The following ZUP1 variants were observed in gnomAD, a reference collection of about 807,000 sequenced individuals.
ZUP1 encodes zinc finger-containing ubiquitin peptidase 1.
A neutral mutation model predicts 68.1 loss-of-function variants in ZUP1; 55 were observed. The observed-to-expected ratio is 0.81, with a 90% confidence interval of 0.65 to 1.01. ZUP1 has a LOEUF of 1.01. ZUP1 is among the 50% of genes least tolerant of loss of function. The pLI, the probability that ZUP1 is intolerant of heterozygous loss-of-function variation, is 0.00. For synonymous variants in ZUP1, 223 were observed against 221.5 expected (o/e 1.01, Z -0.06); for missense variants, 684 against 674.9 (o/e 1.01, Z -0.15).
In ZUP1 at chr6:116,660,798, G is replaced by C; in HGVS notation, c.608C>G (p.Thr203Arg). Residue 203 changes from threonine to arginine, a missense_variant, in exon 3 of 10, where the codon ACA (threonine) becomes AGA (arginine). Thr to Arg is a moderately conservative substitution (Grantham distance 71). Coordinates refer to ENST00000368576, the MANE Select transcript of ZUP1 (RefSeq NM_145062.3). The stretch of plus-strand genomic sequence containing the variant: ...ATGTTCCTGAAGAATATGGTAATTT[G>C]TACATATGAGCCCACACATAGGACA... ...YDCPMCGLIC[T>R]NYHILQEHVD... 6.2e-7 allele frequency: 1 copy of C among 1,610,056 alleles called. No homozygotes were observed. Among genetic ancestry groups the C allele is most frequent in the Non-Finnish European group, 8.5e-7 (1 of 1,177,724 alleles).
At chr6:116,648,063 T>C (rs988386351) in intron 7 of ZUP1, among the ~76,000 whole-genome samples, 5 of 152,214 alleles carry the variant, frequency 3.3e-5, no homozygotes, top group African/African-American at 7.2e-5. Context: ...CATTGGTATA[T>C]ATAAAATAGA....
At chr6:116,650,572 C>T (rs1321670504) in intron 7 of ZUP1, among the ~76,000 whole-genome samples, 3 of 152,044 alleles carry the variant, frequency 2.0e-5, no homozygotes, top group African/African-American at 7.2e-5. Context: ...ACTTTATTAT[C>T]CCATTTAATT....
Position 116,666,969 on chromosome 6 carries a change from T to C in ZUP1, c.224A>G (p.Asn75Ser). 3 of 1,613,788 alleles carry C rather than the reference T, an allele frequency of 1.9e-6. No individual in the cohort carries two copies. The highest frequency in any genetic ancestry group is 2.2e-5 in the East Asian group (1 of 44,822). Reference protein sequence around the residue: ...INTVQYGTSDNKKDNTLQCGM... With the variant: ...INTVQYGTSDSKKDNTLQCGM... ...ACACTGTAGGGTGTTGTCTTTCTTG[T>C]TATCTGAAGTTCCATATTGTACTGT... is the stretch of plus-strand genomic sequence containing the variant. The change falls in exon 2 of 10, where the codon AAC becomes AGC. Residue 75 changes from asparagine to serine, a missense_variant. Transcript: ENST00000368576.
At chr6:116,653,986 T>C (rs1229720084) in intron 5 of ZUP1, among the ~76,000 whole-genome samples, 1 of 152,050 alleles carries the variant, frequency 6.6e-6, no homozygotes, top group Admixed American at 6.5e-5. Context: ...GTTAAAATTA[T>C]AACAAGATTG....
rs1445376386 is a variant in ZUP1, at chr6:116,645,676, C to G, written c.1689+38G>C. 5.6e-6 allele frequency: 8 copies of G among 1,427,520 alleles called. No individual in the cohort carries two copies. In the South Asian group the frequency reaches 9.3e-5, roughly 17 times the overall value. 88.4% of individuals were successfully genotyped at this position (1,427,520 alleles called of 1,614,324 possible). A position where few individuals can be genotyped will look rare whatever the true frequency, so the allele number is the denominator to read the frequency against. ...AAAAGTTTTAAACTTTTAAGTTCAT[C>G]TCATTCAAACTTCACATATAAATAT... On this transcript the variant is annotated intron_variant, in intron 9 of 9. Coordinates refer to ENST00000368576, the MANE Select transcript of ZUP1 (RefSeq NM_145062.3).
intron 3 of ZUP1, among the ~76,000 whole-genome samples, chr6:116,659,544 C>T (rs1162868811): frequency 4.0e-5 from 6 of 151,400 alleles, no homozygotes; most frequent in Admixed American, 6.6e-5. Context: ...AATTTTAAAA[C>T]GTTAAGTAAC....
At chr6:116,668,164 A>C (rs897804012) in intron 1 of ZUP1, among the ~76,000 whole-genome samples, 2 of 152,088 alleles carry the variant, frequency 1.3e-5, no homozygotes, top group African/African-American at 2.4e-5. Flanking sequence ...ACCTCCCTAC[A>C]TTGTCCTTAT....
Position 116,645,862 on chromosome 6 carries a change from C to G in ZUP1, c.1541G>C (p.Gly514Ala). 1.2e-6 allele frequency: 2 copies of G among 1,613,856 alleles called. No individual in the cohort carries two copies. Among genetic ancestry groups the G allele is most frequent in the Non-Finnish European group, 8.5e-7 (1 of 1,179,902 alleles). Reference sequence around the variant, plus strand: ...TTTCTGCATTTCTCGAGAAGGACATCCAGGATCAAGTATTAGTAAGCATAA... The same window carrying G: ...TTTCTGCATTTCTCGAGAAGGACATGCAGGATCAAGTATTAGTAAGCATAA... ...RTLCLLILDPGCPSREMQKLL... is the reference protein window; with the variant it reads ...RTLCLLILDPACPSREMQKLL... The change falls in exon 9 of 10, where the codon GGA (glycine) becomes GCA (alanine). Residue 514 changes from glycine (G) to alanine (A), a missense_variant. Gly to Ala is a moderately conservative substitution (Grantham distance 60). Coordinates refer to ENST00000368576, the MANE Select transcript of ZUP1 (RefSeq NM_145062.3).
At chr6:116,647,731 T>C (rs1046434756) in intron 7 of ZUP1, 121 bp from the exon 8 acceptor site, 10 of 733,970 alleles carry the variant, frequency 1.4e-5, no homozygotes, top group Admixed American at 4.0e-5. Flanking sequence ...TACTTTCCTA[T>C]AAAAGAAGAA....
chr6:116,651,377 C>T (rs1776485696), intron 7 of ZUP1, among the ~76,000 whole-genome samples, 195 bp downstream of exon 7: 1 of 152,166 alleles, frequency 6.6e-6, no homozygotes, highest in African/African-American at 2.4e-5. Flanking sequence ...ATGGAAGTGA[C>T]AGTTGCCTCT....
At chr6:116,648,990 A>C (rs1776398836) in intron 7 of ZUP1, among the ~76,000 whole-genome samples, 1 of 151,866 alleles carries the variant, frequency 6.6e-6, no homozygotes, top group Non-Finnish European at 1.5e-5. Context: ...AAAAAAAAGA[A>C]AAAGAAAAAG....
rs1485353576 is a variant in ZUP1, at chr6:116,645,735, A to T, written c.1668T>A (p.Ala556=). ...KQYQILAVEG[A]LSLEEKLARR... Reference sequence around the variant, plus strand: ...TTACAAGTTTCTCCTCTAGAGAAAGAGCACCCTCTACTGCCAATATCTGGT... The same window carrying T: ...TTACAAGTTTCTCCTCTAGAGAAAGTGCACCCTCTACTGCCAATATCTGGT... Residue 556 remains alanine (A), a synonymous_variant, in exon 9 of 10, where the codon GCT becomes GCA. Transcript: ENST00000368576. The T allele has an allele frequency of 1.9e-6, 3 of 1,612,214 alleles. No individual in the cohort carries two copies. Among genetic ancestry groups the T allele is most frequent in the Admixed American group, 1.7e-5 (1 of 59,666 alleles).
rs1418789137 is a variant in ZUP1, at chr6:116,635,872, C to A, written c.1697G>T (p.Arg566Ile). 3.1e-6 allele frequency: 5 copies of A among 1,587,738 alleles called. No homozygotes were observed. The Admixed American group carries it at 5.4e-5, about 17-fold the overall frequency. ...ALSLEEKLAR[R>I]QASQVFTAEK... is the part of the protein sequence containing the mutation. The stretch of plus-strand genomic sequence containing the variant: ...GGCTGTAAAGACTTGAGAAGCTTGT[C>A]TCCTGGCCTTGAAAAGAAATTTTAA... Residue 566 changes from arginine (R) to isoleucine (I), a missense_variant, in exon 10 of 10, where the codon AGA becomes ATA. Physicochemically the swap from Arg to Ile is moderately conservative, Grantham distance 97. Transcript: ENST00000368576.
chr6:116,661,080 C>T (rs986243975), intron 2 of ZUP1, among the ~76,000 whole-genome samples: 25 of 151,590 alleles, frequency 1.6e-4, no homozygotes, highest in African/African-American at 6.0e-4. Flanking sequence ...CTCACTATGT[C>T]GTCCAGGCTG....
At chr6:116,651,002 A>C (rs1776473272) in intron 7 of ZUP1, among the ~76,000 whole-genome samples, 1 of 152,186 alleles carries the variant, frequency 6.6e-6, no homozygotes. Flanking sequence ...GATTGGAGCA[A>C]AGAGGACAGA....
chr6:116,635,942 T>C, intron 9 of ZUP1, 63 bp from the exon 10 acceptor site: 1 of 1,103,528 alleles, frequency 9.1e-7, no homozygotes, highest in Non-Finnish European at 1.3e-6. Flanking sequence ...ATATGTGTTG[T>C]CATTCTAATG....
rs757323288 is a variant in ZUP1 at position 116,658,806 on chromosome 6, C to T, written c.789G>A (p.Leu263=). The change falls in exon 4 of 10, where the codon CTG becomes CTA. Residue 263 remains leucine, a synonymous_variant. Coordinates refer to ENST00000368576, the MANE Select transcript of ZUP1 (RefSeq NM_145062.3). ...TAATTGTTATTAATCTTTGTACCTG[C>T]AGCTTCTGAAATTCTTCTATTTCTT... ...SRQEIEEFQK[L]QRQYGLDNSG... 1.9e-6 allele frequency: 3 copies of T among 1,571,276 alleles called. No individual in the cohort carries two copies. The highest frequency in any genetic ancestry group is 2.6e-6 in the Non-Finnish European group (3 of 1,149,600).
chr6:116,639,627 C>T (rs1776023282), intron 9 of ZUP1, among the ~76,000 whole-genome samples: 1 of 152,188 alleles, frequency 6.6e-6, no homozygotes, highest in African/African-American at 2.4e-5. Context: ...AGCTGAGGGT[C>T]CTGTCTGTTA....
intron 8 of ZUP1, 52 bp downstream of exon 8, chr6:116,647,407 A>T (rs550097579): frequency 2.6e-5 from 36 of 1,400,192 alleles, no homozygotes; most frequent in Non-Finnish European, 3.4e-5. Flanking sequence ...GAAAGCAACA[A>T]TTTGTTATCT....
Sources: allele counts gnomAD v4.1 joint callset (sites outside exome capture counted in the v4.1 genomes callset), GRCh38; gene constraint gnomAD v4.1.1; transcripts MANE v1.5; gene names NCBI Gene and HGNC (gene_info 2026-07-23, HGNC 2026-07-21).